Variants in PEAK1 observed in about 807,000 individuals in gnomAD.
PEAK1 encodes inactive tyrosine-protein kinase PEAK1.
In PEAK1, 54 loss-of-function variants were observed where a neutral mutation model predicts 124.7. That is an observed-to-expected ratio of 0.43 (90% CI 0.35 to 0.54). The LOEUF (loss-of-function observed/expected upper bound fraction) is 0.54. Among genes scored for constraint, PEAK1 ranks in the 20% least tolerant of loss-of-function variants. The probability of loss-of-function intolerance (pLI) is 0.01; values close to 1 mark genes in which losing one functional copy is unlikely to be tolerated. For synonymous variants in PEAK1, 719 were observed against 760.0 expected (o/e 0.95, Z 0.89); for missense variants, 2,046 against 2,134.5 (o/e 0.96, Z 0.82).
chr15:77,410,312 A>G (rs570009060), intron 1 of PEAK1, among the ~76,000 whole-genome samples: 1 of 152,148 alleles, frequency 6.6e-6, no homozygotes, highest in East Asian at 1.9e-4. Context: ...TTTAGTACAG[A>G]TGGGCTTTCT....
At chr15:77,173,002 C>CTG (rs1265107000) in intron 7 of PEAK1, among the ~76,000 whole-genome samples, 1 of 152,166 alleles carries the variant, frequency 6.6e-6, no homozygotes, top group East Asian at 1.9e-4. Context: ...GATCCTCCTG[C>CTG]CTCAGCCTCC....
intron 4 of PEAK1, 61 bp from the exon 5 acceptor site, chr15:77,284,091 G>A (rs1405374846): frequency 1.1e-6 from 1 of 873,578 alleles, no homozygotes; most frequent in African/African-American, 1.8e-5. Context: ...GTCTAGCCCA[G>A]CTATATGACC....
intron 2 of PEAK1, among the ~76,000 whole-genome samples, chr15:77,308,574 C>T (rs2064240721): frequency 6.6e-6 from 1 of 151,994 alleles, no homozygotes; most frequent in African/African-American, 2.4e-5. Context: ...GCTTTCCATA[C>T]TTTAACAGTA....
Position 77,114,626 on chromosome 15 carries a change from C to A in PEAK1, c.4771G>T (p.Asp1591Tyr). Residue 1591 changes from aspartate to tyrosine, a missense_variant, in exon 10 of 10, where the codon GAT (aspartate) becomes TAT (tyrosine). Transcript: ENST00000682557. ...IITATQYKKC[D>Y]EFQTGILIYE... ...ATGAGGATGCCTGTCTGGAACTCAT[C>A]ACACTTTTTATACTGGGTAGCTGTT... The A allele has an allele frequency of 6.2e-7, 1 of 1,613,972 alleles. No individual in the cohort carries two copies. Among genetic ancestry groups the A allele is most frequent in the Non-Finnish European group, 8.5e-7 (1 of 1,179,992 alleles).
intron 8 of PEAK1, among the ~76,000 whole-genome samples, chr15:77,152,745 A>C (rs1237666648): frequency 6.6e-6 from 1 of 152,164 alleles, no homozygotes; most frequent in East Asian, 1.9e-4. Flanking sequence ...TATTGAGATA[A>C]TCATGTGGTT....
At chr15:77,311,423 C>A (rs2064434377) in intron 2 of PEAK1, among the ~76,000 whole-genome samples, 1 of 152,066 alleles carries the variant, frequency 6.6e-6, no homozygotes, top group South Asian at 2.1e-4. Context: ...CGCCTGTAAT[C>A]CCAACACTTT....
At position 77,181,101 on chromosome 15, in the gene PEAK1, T is replaced by G; in HGVS notation, c.826A>C (p.Arg276=). ...MRGQPRFANF[R]ANTLSPVRFF... ...CGAACAGGAGACAATGTGTTTGCTC[T>G]GAAGTTGGCAAAGCGAGGTTGCCCT... The change falls in exon 7 of 10, where the codon AGA becomes CGA. Residue 276 remains arginine (R), a synonymous_variant. Transcript: ENST00000682557. 6.2e-7 allele frequency: 1 copy of G among 1,614,230 alleles called. No homozygotes were observed. The highest frequency in any genetic ancestry group is 8.5e-7 in the Non-Finnish European group (1 of 1,180,026).
chr15:77,311,360 C>A (rs934979915), intron 2 of PEAK1, among the ~76,000 whole-genome samples: 31 of 151,904 alleles, frequency 2.0e-4, no homozygotes, highest in African/African-American at 7.5e-4. Context: ...AAGGAATGTT[C>A]GGAAATAAAT....
At chr15:77,260,309 A>G (rs2061374342) in intron 5 of PEAK1, among the ~76,000 whole-genome samples, 1 of 152,228 alleles carries the variant, frequency 6.6e-6, no homozygotes, top group Admixed American at 6.5e-5. Context: ...CTTTAAAGAT[A>G]TAAAACAAGA....
chr15:77,153,875 TA>T (rs2054882819), intron 8 of PEAK1, among the ~76,000 whole-genome samples: 1 of 152,246 alleles, frequency 6.6e-6, no homozygotes, highest in Non-Finnish European at 1.5e-5. Flanking sequence ...TCTGTTCTTT[TA>T]CATTTGCTGA....
At chr15:77,150,519 A>C (rs989036252) in intron 8 of PEAK1, among the ~76,000 whole-genome samples, 1 of 152,008 alleles carries the variant, frequency 6.6e-6, no homozygotes, top group African/African-American at 2.4e-5. Flanking sequence ...TATTTATTTT[A>C]TTTTTATTAC....
intron 2 of PEAK1, among the ~76,000 whole-genome samples, chr15:77,361,277 G>A (rs546778854): frequency 1.3e-5 from 2 of 151,964 alleles, no homozygotes; most frequent in African/African-American, 4.8e-5. Context: ...CTCCATCTCC[G>A]CAAAAAATTT....
chr15:77,407,982 T>C lies in PEAK1; in HGVS notation c.-666+12024A>G, dbSNP rs529719056. ...ATATATACACATATATACACACATA[T>C]ACATATATACACATACACACACGTA... On this transcript the variant is annotated intron_variant, in intron 1 of 9. Coordinates refer to ENST00000682557, the MANE Select transcript of PEAK1 (RefSeq NM_001385026.1). Among the ~76,000 whole-genome samples the C allele has an allele frequency of 4.0e-5, 6 of 148,900 alleles. No individual in the cohort carries two copies. In the South Asian group the frequency reaches 1.3e-3, roughly 32 times the overall value.
chr15:77,298,268 G>A (rs1229598441), intron 2 of PEAK1, among the ~76,000 whole-genome samples: 5 of 113,654 alleles, frequency 4.4e-5, no homozygotes, highest in Non-Finnish European at 8.2e-5. Flanking sequence ...GCCCAGGCTG[G>A]AATGCAGTGG....
At chr15:77,280,265 C>T (rs760979361) in intron 5 of PEAK1, among the ~76,000 whole-genome samples, 12 of 152,154 alleles carry the variant, frequency 7.9e-5, no homozygotes, top group African/African-American at 1.4e-4. Flanking sequence ...CGCTTGAAAA[C>T]GGGAGGCGGA....
intron 7 of PEAK1, among the ~76,000 whole-genome samples, chr15:77,161,878 ATT>A (rs1474539672): frequency 6.8e-6 from 1 of 147,582 alleles, no homozygotes; most frequent in East Asian, 2.0e-4. Context: ...AGGCAGGACA[ATT>A]GCTTGAACTC....
chr15:77,334,707 A>T, intron 2 of PEAK1: 1 of 985,102 alleles, frequency 1.0e-6, no homozygotes, highest in Non-Finnish European at 1.2e-6. Context: ...TGTGTGCTAC[A>T]TCTCTCTCTT....
chr15:77,296,023 T>C (rs2063468574), intron 2 of PEAK1, among the ~76,000 whole-genome samples: 1 of 152,220 alleles, frequency 6.6e-6, no homozygotes, highest in South Asian at 2.1e-4. Context: ...CTATTTCAAA[T>C]ATTTAACTTT....
rs115821178 is a variant in PEAK1 at position 77,198,088 on chromosome 15, T to A, written c.-114-16048A>T. Among the ~76,000 whole-genome samples, 787 of 152,258 alleles carry A rather than the reference T, an allele frequency of 5.2e-3. 5 individuals are homozygous for A. The highest frequency in any genetic ancestry group is 0.016 in the African/African-American group (680 of 41,558). On this transcript the variant is annotated intron_variant, in intron 6 of 9. Transcript: ENST00000682557. ...AGAGAAATGTAAACAAATGTAAAGATGTAGTATTAAATAACTGCATAAGTA... is the reference window on the plus strand; with the variant it reads ...AGAGAAATGTAAACAAATGTAAAGAAGTAGTATTAAATAACTGCATAAGTA...
Sources: allele counts gnomAD v4.1 joint callset (sites outside exome capture counted in the v4.1 genomes callset), GRCh38; gene constraint gnomAD v4.1.1; transcripts MANE v1.5; gene names NCBI Gene and HGNC (gene_info 2026-07-23, HGNC 2026-07-21).